The following VTI1A variants were observed in gnomAD, a reference collection of about 807,000 sequenced individuals.
VTI1A encodes vesicle transport through interaction with t-SNAREs homolog 1A.
Under a neutral mutation model 34.9 loss-of-function variants are expected in VTI1A, and 22 were observed. That is an observed-to-expected ratio of 0.63 (90% confidence interval 0.45 to 0.90). The LOEUF (loss-of-function observed/expected upper bound fraction) is 0.90. Among genes scored for constraint, VTI1A ranks in the 40% least tolerant of loss-of-function variants. VTI1A has a pLI of 0.00. For synonymous variants in VTI1A, 87 were observed against 97.3 expected, an observed-to-expected ratio of 0.89 and a Z score of 0.62; for missense variants, 268 against 275.6, an observed-to-expected ratio of 0.97 and a Z score of 0.20.
intron 5 of VTI1A, among the ~76,000 whole-genome samples, chr10:112,630,054 G>GT (rs1309462958): frequency 6.6e-6 from 1 of 152,138 alleles, no homozygotes; most frequent in African/African-American, 2.4e-5. Flanking sequence ...AAAGGTGTTT[G>GT]TTTTTTTCTC....
chr10:112,530,869 C>T (rs1465434693), intron 4 of VTI1A, among the ~76,000 whole-genome samples: 3 of 152,074 alleles, frequency 2.0e-5, no homozygotes, highest in Non-Finnish European at 2.9e-5. Flanking sequence ...CTGTTCGTTA[C>T]GTGCTGAGGG....
the VTI1A span, among the ~76,000 whole-genome samples, chr10:112,841,925 A>G: frequency 1.1e-4 from 17 of 152,154 alleles, no homozygotes; most frequent in Non-Finnish European, 2.5e-4. Context: ...GCAGCCCACA[A>G]GCCCAAGGCC....
intron 5 of VTI1A, among the ~76,000 whole-genome samples, chr10:112,592,422 C>T (rs1296020618): frequency 6.6e-6 from 1 of 152,198 alleles, no homozygotes; most frequent in Non-Finnish European, 1.5e-5. Flanking sequence ...CAAGGCTTAC[C>T]TCAAAGGACC....
intron 5 of VTI1A, among the ~76,000 whole-genome samples, chr10:112,561,925 TC>T (rs1199962960): frequency 6.6e-6 from 1 of 152,092 alleles, no homozygotes; most frequent in African/African-American, 2.4e-5. Flanking sequence ...AACATTTCAC[TC>T]CCCCAAAATT....
intron 7 of VTI1A, among the ~76,000 whole-genome samples, chr10:112,741,902 A>G (rs960726518): frequency 6.6e-6 from 1 of 152,138 alleles, no homozygotes; most frequent in Admixed American, 6.5e-5. Context: ...GCCATCAAAT[A>G]CCTAGATTTA....
intron 5 of VTI1A, chr10:112,548,677 A>G (rs1454075689): frequency 2.0e-5 from 24 of 1,220,172 alleles, no homozygotes; most frequent in Non-Finnish European, 2.7e-5. Context: ...TGCCAGCTCC[A>G]GCAGCCTTCT....
intron 7 of VTI1A, among the ~76,000 whole-genome samples, chr10:112,695,855 A>G (rs1217157138): frequency 1.3e-5 from 2 of 152,198 alleles, no homozygotes; most frequent in Non-Finnish European, 2.9e-5. Flanking sequence ...TACTTCAGAC[A>G]GAAAGCAGAG....
intron 4 of VTI1A, among the ~76,000 whole-genome samples, chr10:112,537,642 C>T (rs1423757200): frequency 6.6e-6 from 1 of 152,006 alleles, no homozygotes; most frequent in Non-Finnish European, 1.5e-5. Flanking sequence ...CAATATTGTA[C>T]ATCTATGTAA....
intron 3 of VTI1A, among the ~76,000 whole-genome samples, chr10:112,497,455 CTG>C: frequency 6.6e-6 from 1 of 152,248 alleles, no homozygotes. Context: ...GTTTTCCTAT[CTG>C]TAAAATGGAA....
chr10:112,822,255 A>G (rs539699352), downstream of VTI1A, among the ~76,000 whole-genome samples: 60 of 152,312 alleles, frequency 3.9e-4, no homozygotes, highest in Middle Eastern at 3.4e-3. Flanking sequence ...CTCCCTGGCC[A>G]GGACCCCGTT....
intron 3 of VTI1A, among the ~76,000 whole-genome samples, chr10:112,468,736 A>G (rs1277977669): frequency 2.0e-5 from 3 of 152,172 alleles, no homozygotes; most frequent in African/African-American, 4.8e-5. Context: ...GGCTGCGTCT[A>G]TACTGACTGG....
At chr10:112,737,535 A>G (rs903742288) in intron 7 of VTI1A, 8 of 1,050,282 alleles carry the variant, frequency 7.6e-6, no homozygotes, top group East Asian at 5.4e-5. Flanking sequence ...TATTTTAGGT[A>G]CATCGTGAGC....
intron 5 of VTI1A, among the ~76,000 whole-genome samples, chr10:112,627,327 A>G (rs991619152): frequency 6.6e-6 from 1 of 152,206 alleles, no homozygotes; most frequent in Non-Finnish European, 1.5e-5. Flanking sequence ...TGAAAACTAG[A>G]GATACCTAAA....
chr10:112,702,433 G>A (rs572136026), intron 7 of VTI1A, among the ~76,000 whole-genome samples: 5 of 152,216 alleles, frequency 3.3e-5, no homozygotes, highest in African/African-American at 1.2e-4. Flanking sequence ...TCGTTTGTTT[G>A]TTTTCAGACA....
the VTI1A span, among the ~76,000 whole-genome samples, chr10:112,836,756 AG>A: frequency 6.6e-6 from 1 of 151,894 alleles, no homozygotes; most frequent in Non-Finnish European, 1.5e-5. Flanking sequence ...TGCGGCGGGG[AG>A]GGGGTATGGA....
At chr10:112,673,019 TA>T (rs1053698729) in intron 7 of VTI1A, among the ~76,000 whole-genome samples, 8 of 151,718 alleles carry the variant, frequency 5.3e-5, no homozygotes, top group African/African-American at 1.7e-4. Context: ...AAAGTGCTTA[TA>T]AAAAAAATGG....
chr10:112,738,720 C>T (rs908385008), intron 7 of VTI1A, among the ~76,000 whole-genome samples: 7 of 152,088 alleles, frequency 4.6e-5, no homozygotes, highest in South Asian at 2.1e-4. Context: ...GTTTACAGTA[C>T]GACAGAACTG....
intron 3 of VTI1A, among the ~76,000 whole-genome samples, chr10:112,473,234 G>T (rs573915607): frequency 6.6e-6 from 1 of 150,976 alleles, no homozygotes. Context: ...TCAGCCTCCC[G>T]AGTAGCTAGG....
rs540662844 is a variant in VTI1A, at chr10:112,599,312, G to A, written c.427+60982G>A. ...GTAGGCAAGAAAACACAGGCAGCCAGGATGTGGTGTTGGGTAGATATGGTG... is the reference window on the plus strand; with the variant it reads ...GTAGGCAAGAAAACACAGGCAGCCAAGATGTGGTGTTGGGTAGATATGGTG... On this transcript the variant is annotated intron_variant, in intron 5 of 7. Coordinates refer to ENST00000393077, the MANE Select transcript of VTI1A (RefSeq NM_145206.4). 3.3e-5 allele frequency among the ~76,000 whole-genome samples: 5 copies of A among 152,200 alleles called. No homozygotes were observed. In the South Asian group the frequency reaches 1.0e-3, roughly 32 times the overall value.
Sources: allele counts gnomAD v4.1 joint callset (sites outside exome capture counted in the v4.1 genomes callset), GRCh38; gene constraint gnomAD v4.1.1; transcripts MANE v1.5; gene names NCBI Gene and HGNC (gene_info 2026-07-23, HGNC 2026-07-21).